The following SH3D19 variants were observed in gnomAD, a reference collection of about 807,000 sequenced individuals.
SH3D19 encodes the protein SH3 domain containing 19, also known as SH3 domain-containing protein 19.
SH3D19 carries 58 observed loss-of-function variants against 112.1 expected under a neutral mutation model. The observed-to-expected ratio is 0.52, with a 90% CI of 0.42 to 0.64. SH3D19 has a LOEUF of 0.64. SH3D19 is among the 30% of genes least tolerant of loss of function. The pLI is 0.00. For missense variants in SH3D19, 1,090 were observed against 1,263.4 expected, an observed-to-expected ratio of 0.86 and a Z score of 2.08; for synonymous variants, 391 against 448.5, an observed-to-expected ratio of 0.87 and a Z score of 1.62.
At chr4:151,311,154 CAG>C (rs1729424636) in intron 1 of SH3D19, among the ~76,000 whole-genome samples, 1 of 148,632 alleles carries the variant, frequency 6.7e-6, no homozygotes, top group African/African-American at 2.6e-5. Flanking sequence ...TATACACACA[CAG>C]TGGAATTTTA....
Position 151,148,163 on chromosome 4 carries a change from G to A in SH3D19, c.1841C>T (p.Pro614Leu). The change falls in exon 11 of 20, where the codon CCA becomes CTA. Residue 614 changes from proline (P) to leucine (L), a missense_variant. Physicochemically the swap from Pro to Leu is moderately conservative, Grantham distance 98. Transcript: ENST00000604030. ...CACCTTGGTTGGAGGCTGTTGAGTT[G>A]GAATGGTTTTTCCATTCACAGGTCT... ...PPRPVNGKTI[P>L]TQQPPTKVPP... is the part of the protein sequence containing the mutation. The A allele has an allele frequency of 6.2e-7, 1 of 1,605,770 alleles. No homozygotes were observed. Among genetic ancestry groups the A allele is most frequent in the Non-Finnish European group, 8.5e-7 (1 of 1,177,680 alleles).
chr4:151,256,294 T>C (rs1771910380), intron 1 of SH3D19, among the ~76,000 whole-genome samples: 2 of 152,204 alleles, frequency 1.3e-5, no homozygotes, highest in Admixed American at 1.3e-4. Flanking sequence ...GAAATACAAG[T>C]CAGATTCCTG....
intron 19 of SH3D19, among the ~76,000 whole-genome samples, chr4:151,127,203 C>T (rs1252605186): frequency 6.6e-6 from 1 of 152,192 alleles, no homozygotes; most frequent in Non-Finnish European, 1.5e-5. Flanking sequence ...GGCTACTATG[C>T]TACTAGTGCA....
chr4:151,305,605 G>T (rs540671770), intron 1 of SH3D19, among the ~76,000 whole-genome samples: 93 of 152,242 alleles, frequency 6.1e-4, no homozygotes, highest in Non-Finnish European at 1.0e-3. Flanking sequence ...AAATTACAAT[G>T]AAATATCACT....
intron 7 of SH3D19, among the ~76,000 whole-genome samples, chr4:151,173,538 T>C (rs1759420203): frequency 6.6e-6 from 1 of 152,210 alleles, no homozygotes; most frequent in Non-Finnish European, 1.5e-5. Flanking sequence ...AAATAATGTA[T>C]GTCTCAGTAT....
At chr4:151,136,305 G>C (rs1751839828) in intron 14 of SH3D19, among the ~76,000 whole-genome samples, 1 of 151,684 alleles carries the variant, frequency 6.6e-6, no homozygotes, top group South Asian at 2.1e-4. Context: ...GTAACACCAT[G>C]CCAAGTTAAT....
rs1394611084 is a variant in SH3D19, at chr4:151,166,089, C to A, written c.1535-393G>T. 4 of 166,872 alleles carry A rather than the reference C, an allele frequency of 2.4e-5. No individual in the cohort carries two copies. In the Admixed American group the frequency reaches 2.4e-4, roughly 10 times the overall value. The allele number at this position is 166,872 out of a possible 1,614,324, so 10.3% of individuals were successfully genotyped here. Reference sequence around the variant, plus strand: ...AGAGGAAAGACTCTTTCCCTGTACACCCCCTGTGCCTGTCCCAGAATATTT... The same window carrying A: ...AGAGGAAAGACTCTTTCCCTGTACAACCCCTGTGCCTGTCCCAGAATATTT... On this transcript the variant is annotated intron_variant, in intron 7 of 19. Transcript: ENST00000604030.
intron 15 of SH3D19, among the ~76,000 whole-genome samples, chr4:151,134,351 C>T (rs1751372509): frequency 1.3e-5 from 2 of 152,222 alleles, no homozygotes; most frequent in South Asian, 4.1e-4. Flanking sequence ...CTTTAAATCA[C>T]AAAGGAGTTA....
At chr4:151,283,344 G>T in intron 1 of SH3D19, 1 of 1,531,948 alleles carries the variant, frequency 6.5e-7, no homozygotes, top group South Asian at 1.2e-5. Flanking sequence ...TTGGATCCAG[G>T]TTTTCCTATC....
intron 1 of SH3D19, among the ~76,000 whole-genome samples, chr4:151,318,268 T>C (rs1275855515): frequency 8.0e-6 from 1 of 124,896 alleles, no homozygotes; most frequent in Non-Finnish European, 1.6e-5. Flanking sequence ...GCCACTGCAC[T>C]CCAGCCTAGG....
chr4:151,194,592 A>G (rs1763130568), intron 2 of SH3D19, among the ~76,000 whole-genome samples: 1 of 148,520 alleles, frequency 6.7e-6, no homozygotes, highest in Non-Finnish European at 1.5e-5. Flanking sequence ...TTTTTTGTAA[A>G]TTTAGTGGAG....
chr4:151,322,235 T>C (rs901954697), intron 1 of SH3D19, among the ~76,000 whole-genome samples: 19 of 151,650 alleles, frequency 1.3e-4, no homozygotes, highest in Non-Finnish European at 1.3e-4. Flanking sequence ...GAGTTCGAGA[T>C]CACCCTGGCC....
chr4:151,237,061 C>T (rs1470041551), intron 1 of SH3D19, among the ~76,000 whole-genome samples: 2 of 152,212 alleles, frequency 1.3e-5, no homozygotes, highest in South Asian at 2.1e-4. Context: ...AACCTTGCTG[C>T]TGCTCACCCT....
At chr4:151,243,320 AAAC>A (rs1474143255) in intron 1 of SH3D19, among the ~76,000 whole-genome samples, 4 of 152,258 alleles carry the variant, frequency 2.6e-5, no homozygotes, top group African/African-American at 7.2e-5. Flanking sequence ...AAAGTATAAT[AAAC>A]AACAAATGAA....
chr4:151,310,567 ACTCT>A (rs1040142181), intron 1 of SH3D19, among the ~76,000 whole-genome samples: 24 of 147,574 alleles, frequency 1.6e-4, no homozygotes, highest in Admixed American at 1.2e-3. Context: ...GAAATAAATC[ACTCT>A]CTCTCTCTCT....
chr4:151,175,856 G>A (rs1038200428), intron 6 of SH3D19, among the ~76,000 whole-genome samples, 182 bp from the exon 7 acceptor site: 5 of 151,902 alleles, frequency 3.3e-5, no homozygotes, highest in African/African-American at 9.7e-5. Flanking sequence ...GTTTCCTGTA[G>A]GAGTGCTCTT....
chr4:151,242,810 A>G (rs931130259), intron 1 of SH3D19, among the ~76,000 whole-genome samples: 1 of 152,234 alleles, frequency 6.6e-6, no homozygotes, highest in African/African-American at 2.4e-5. Context: ...ATATTTAACA[A>G]GGGATATAAG....
chr4:151,209,531 C>T (rs540148728), intron 2 of SH3D19, among the ~76,000 whole-genome samples: 7 of 152,116 alleles, frequency 4.6e-5, no homozygotes, highest in Non-Finnish European at 5.9e-5. Flanking sequence ...CTGCCCACCT[C>T]GGCCTCCCAA....
chr4:151,214,436 A>G (rs1302758085), intron 2 of SH3D19, among the ~76,000 whole-genome samples: 7 of 15,074 alleles, frequency 4.6e-4, no homozygotes, highest in East Asian at 7.2e-3. Flanking sequence ...CACCTCCCGG[A>G]CGAGGCTGCT....
Sources: allele counts gnomAD v4.1 joint callset (sites outside exome capture counted in the v4.1 genomes callset), GRCh38; gene constraint gnomAD v4.1.1; transcripts MANE v1.5; gene names NCBI Gene and HGNC (gene_info 2026-07-23, HGNC 2026-07-21).